The following TSPAN18 variants were observed in gnomAD, a reference collection of about 807,000 sequenced individuals.
TSPAN18 encodes tetraspanin-18.
TSPAN18 carries 14 observed loss-of-function variants against 27.3 expected under a neutral mutation model. That is an observed-to-expected ratio of 0.51 (90% CI 0.34 to 0.80). The LOEUF is 0.80. Ranked by LOEUF, TSPAN18 falls within the 30% of genes least tolerant of loss-of-function variation. The pLI, the probability that TSPAN18 is intolerant of heterozygous loss-of-function variation, is 0.01. For synonymous variants in TSPAN18, 143 were observed against 136.5 expected (o/e 1.05, Z -0.33); for missense variants, 268 against 323.9 (o/e 0.83, Z 1.32).
At chr11:44,849,750 T>G (rs893862725) in intron 2 of TSPAN18, among the ~76,000 whole-genome samples, 4 of 152,164 alleles carry the variant, frequency 2.6e-5, no homozygotes, top group African/African-American at 9.7e-5. Context: ...GCACAGGCCA[T>G]GGCACCTGGC....
chr11:44,798,433 TAGC>T (rs1436120909), intron 2 of TSPAN18, among the ~76,000 whole-genome samples: 8 of 152,192 alleles, frequency 5.3e-5, no homozygotes, highest in Non-Finnish European at 1.2e-4. Flanking sequence ...AGCTGGAAAG[TAGC>T]AGAGCCAGAT....
intron 2 of TSPAN18, among the ~76,000 whole-genome samples, chr11:44,801,581 T>G (rs185516323): frequency 9.2e-4 from 140 of 152,240 alleles, no homozygotes; most frequent in Non-Finnish European, 1.4e-3. Flanking sequence ...GAAAAAAATA[T>G]CTTCATAAGT....
At chr11:44,822,124 T>C (rs142364922) in intron 2 of TSPAN18, among the ~76,000 whole-genome samples, 7 of 152,174 alleles carry the variant, frequency 4.6e-5, no homozygotes, top group African/African-American at 1.7e-4. Flanking sequence ...ATAGGGACAT[T>C]AGAGAACTTC....
intron 4 of TSPAN18, among the ~76,000 whole-genome samples, chr11:44,908,291 A>G (rs1470646681): frequency 1.3e-5 from 2 of 152,062 alleles, no homozygotes; most frequent in African/African-American, 4.8e-5. Flanking sequence ...CCTGTCGCCC[A>G]GCTGTCAACC....
chr11:44,908,774 A>AGGAAAG (rs145097737), intron 4 of TSPAN18, among the ~76,000 whole-genome samples: 3,797 of 92,626 alleles, frequency 0.041, 386 homozygotes, highest in South Asian at 0.066. Flanking sequence ...GAAAGGAGAA[A>AGGAAAG]GAAAGAAAGA....
At chr11:44,912,104 C>T (rs777674370) in intron 5 of TSPAN18, among the ~76,000 whole-genome samples, 1 of 151,856 alleles carries the variant, frequency 6.6e-6, no homozygotes, top group Non-Finnish European at 1.5e-5. Context: ...TCACTGCAGC[C>T]TCAACCTCCT....
chr11:44,877,393 G>A (rs150207895), intron 3 of TSPAN18, among the ~76,000 whole-genome samples: 80 of 152,308 alleles, frequency 5.3e-4, no homozygotes, highest in Middle Eastern at 3.4e-3. Context: ...ATGGTCATTC[G>A]AGGGGAGAGG....
chr11:44,731,138 A>T (rs1449013447), intron 1 of TSPAN18, among the ~76,000 whole-genome samples: 1 of 152,208 alleles, frequency 6.6e-6, no homozygotes, highest in Admixed American at 6.5e-5. Flanking sequence ...ACAAAAGGCA[A>T]CAGGATGGAG....
intron 2 of TSPAN18, among the ~76,000 whole-genome samples, chr11:44,769,929 A>G (rs1855653190): frequency 6.6e-6 from 1 of 152,214 alleles, no homozygotes; most frequent in Non-Finnish European, 1.5e-5. Context: ...TGGCTCTATC[A>G]CTAAGTATCT....
At chr11:44,871,420 A>T (rs1281413256) in intron 3 of TSPAN18, among the ~76,000 whole-genome samples, 4 of 152,104 alleles carry the variant, frequency 2.6e-5, no homozygotes, top group Non-Finnish European at 2.9e-5. Context: ...TCCAAATACC[A>T]TCACATTGGG....
chr11:44,811,569 C>G (rs918579508), intron 2 of TSPAN18, among the ~76,000 whole-genome samples: 2 of 152,000 alleles, frequency 1.3e-5, no homozygotes, highest in Non-Finnish European at 2.9e-5. Flanking sequence ...AAGTGATTCT[C>G]CTGCCTCAGC....
rs561279259 is a variant in TSPAN18, at chr11:44,846,925, A to C, written c.-152-13403A>C. 3.9e-5 allele frequency among the ~76,000 whole-genome samples: 6 copies of C among 152,322 alleles called. No homozygotes were observed. In the East Asian group the frequency reaches 9.6e-4, roughly 24 times the overall value. On this transcript the variant is annotated intron_variant, in intron 2 of 9. Coordinates refer to ENST00000520358, the MANE Select transcript of TSPAN18 (RefSeq NM_130783.5). ...TGAATGCCTACTATATGCCATGCAC[A>C]GAGCGGAGAACTCCAGGGGCATTCA...
intron 2 of TSPAN18, among the ~76,000 whole-genome samples, chr11:44,849,601 A>G (rs1857555669): frequency 6.6e-6 from 1 of 152,170 alleles, no homozygotes; most frequent in South Asian, 2.1e-4. Context: ...CACAGCCAAC[A>G]GCAGTTCCCC....
At chr11:44,889,541 A>G (rs1379003830) in intron 3 of TSPAN18, among the ~76,000 whole-genome samples, 2 of 152,224 alleles carry the variant, frequency 1.3e-5, no homozygotes, top group Non-Finnish European at 2.9e-5. Flanking sequence ...GGTGGCATCA[A>G]CCATCCAGTT....
At chr11:44,820,305 G>C (rs1023982946) in intron 2 of TSPAN18, among the ~76,000 whole-genome samples, 1 of 152,206 alleles carries the variant, frequency 6.6e-6, no homozygotes, top group African/African-American at 2.4e-5. Context: ...TTGCTGTTAG[G>C]TGGGGCCTTC....
intron 1 of TSPAN18, among the ~76,000 whole-genome samples, chr11:44,746,371 T>G (rs2134840177): frequency 6.6e-6 from 1 of 152,268 alleles, no homozygotes; most frequent in Middle Eastern, 3.4e-3. Flanking sequence ...CCACCTAAAT[T>G]TACTATCTTG....
At chr11:44,896,057 C>G (rs748949549) in intron 3 of TSPAN18, among the ~76,000 whole-genome samples, 7 of 152,144 alleles carry the variant, frequency 4.6e-5, no homozygotes, top group Non-Finnish European at 7.3e-5. Flanking sequence ...CCTGGCACTT[C>G]CCCGGCACAT....
At chr11:44,862,331 G>A (rs1347298012) in intron 3 of TSPAN18, among the ~76,000 whole-genome samples, 5 of 152,212 alleles carry the variant, frequency 3.3e-5, no homozygotes, top group Admixed American at 3.3e-4. Context: ...GAAAACCACA[G>A]CTTGTGATGC....
rs568331623 is a variant in TSPAN18, at chr11:44,905,293, C to T, written c.-10-1114C>T. ...ACACCATCTCCCCTACATCCATCCA[C>T]ACCCCAACACATATTCCCAGAACCC... On this transcript the variant is annotated intron_variant, in intron 3 of 9. Coordinates refer to ENST00000520358, the MANE Select transcript of TSPAN18 (RefSeq NM_130783.5). Among the ~76,000 whole-genome samples, 10 of 152,326 alleles carry T rather than the reference C, an allele frequency of 6.6e-5. No homozygotes were observed. In the South Asian group the frequency reaches 1.9e-3, roughly 28 times the overall value.
Sources: gnomAD v4.1 joint callset for allele counts (sites outside exome capture counted in the v4.1 genomes callset) on GRCh38, gnomAD v4.1.1 for gene constraint, MANE v1.5 for transcripts, NCBI Gene and HGNC (gene_info 2026-07-23, HGNC 2026-07-21) for gene names.